CHD1: variants seen among roughly 807,000 people sequenced by gnomAD.
CHD1 encodes the protein chromodomain helicase DNA binding protein 1.
A neutral mutation model predicts 224.2 loss-of-function variants in CHD1; 36 were observed. The ratio of observed to expected loss-of-function variants is 0.16; its 90% CI spans 0.12 to 0.21. CHD1 has a LOEUF of 0.21. Among genes scored for constraint, CHD1 ranks in the 10% least tolerant of loss-of-function variants. CHD1 has a pLI of 1.00. For synonymous variants in CHD1, 668 were observed against 658.3 expected, an observed-to-expected ratio of 1.01 and a Z score of -0.23; for missense variants, 1,378 against 1,994.8, an observed-to-expected ratio of 0.69 and a Z score of 5.89.
In CHD1 at chr5:98,928,989, T is replaced by G. The variant is rs1753713211; in HGVS notation, c.-599A>C. On this transcript the variant is annotated 5_prime_UTR_variant, in exon 1 of 36. Coordinates refer to ENST00000614616, the MANE Select transcript of CHD1 (RefSeq NM_001270.4). ...CGTAAGCGCCTCTGCTCACTCCCCT[T>G]CCCGACAGAGCGCGAGGCGGGCGGG... 1 of 151,424 alleles carries G rather than the reference T, an allele frequency of 6.6e-6. No homozygotes were observed. The highest frequency in any genetic ancestry group is 1.5e-5 in the Non-Finnish European group (1 of 67,910). 9.4% of individuals were successfully genotyped at this position (151,424 alleles called of 1,614,324 possible).
chr5:98,857,678 A>G (rs1026133984), intron 35 of CHD1, among the ~76,000 whole-genome samples: 2 of 152,100 alleles, frequency 1.3e-5, no homozygotes, highest in African/African-American at 4.8e-5. Flanking sequence ...TACTGTTCAA[A>G]GGCTTCAAAA....
chr5:98,858,150 C>T (rs1377317131), intron 35 of CHD1, 30 bp downstream of exon 35: 2 of 1,593,428 alleles, frequency 1.3e-6, no homozygotes, highest in Admixed American at 1.7e-5. Context: ...CATGCATAAG[C>T]AAAATTTCTA....
Position 98,869,622 on chromosome 5 carries a change from GCACACACA to G in CHD1, c.4107+124_4107+131del, listed in dbSNP as rs113502266. The G allele has an allele frequency of 1.5e-3, 1,054 of 717,938 alleles. 1 individual carries two copies. The highest frequency in any genetic ancestry group is 5.3e-3 in the East Asian group (179 of 33,618). The allele number at this position is 717,938 out of a possible 1,614,324, so 44.5% of individuals were successfully genotyped here. ...TATAAGTGCGTGCGCACGTGCGCGC[GCACACACA>G]CACACACACACACACACACACAGAC... On this transcript the variant is annotated intron_variant, in intron 30 of 35. Coordinates refer to ENST00000614616, the MANE Select transcript of CHD1 (RefSeq NM_001270.4).
At chr5:98,909,256 A>G (rs570466576) in intron 2 of CHD1, among the ~76,000 whole-genome samples, 3 of 152,190 alleles carry the variant, frequency 2.0e-5, no homozygotes, top group Non-Finnish European at 4.4e-5. Context: ...TGCTAAGCGC[A>G]CCCTTGTGTT....
chr5:98,872,022 G>T, intron 28 of CHD1, 29 bp downstream of exon 28: 1 of 1,548,528 alleles, frequency 6.5e-7, no homozygotes, highest in African/African-American at 1.4e-5. Flanking sequence ...CAACATGAAT[G>T]GTTAACAGAA....
At chr5:98,879,498 GC>G in intron 23 of CHD1, 53 bp downstream of exon 23, 1 of 1,498,276 alleles carries the variant, frequency 6.7e-7, no homozygotes. Flanking sequence ...AACAAAATCA[GC>G]CCAGGTTGAA....
intron 16 of CHD1, 143 bp from the exon 17 acceptor site, chr5:98,888,383 T>C (rs1750791070): frequency 1.5e-6 from 1 of 648,246 alleles, no homozygotes; most frequent in Non-Finnish European, 2.5e-6. Flanking sequence ...TTCAAAATTT[T>C]CTAAGACCTT....
chr5:98,893,474 G>A lies in CHD1; in HGVS notation c.1933C>T (p.Pro645Ser), dbSNP rs780069966. 1 of 1,611,782 alleles carries A rather than the reference G, an allele frequency of 6.2e-7. No individual in the cohort carries two copies. Residue 645 changes from proline to serine, a missense_variant, in exon 14 of 36, where the codon CCT (proline) becomes TCT (serine). Pro to Ser is a moderately conservative substitution (Grantham distance 74, BLOSUM62 -1). Coordinates refer to ENST00000614616, the MANE Select transcript of CHD1 (RefSeq NM_001270.4). ...AGCTCTTTGAGGGAATTCTGTAGAG[G>A]AGTTCCAGTGATAAGGAGACGATGA... ...SNHRLLITGT[P>S]LQNSLKELWS...
chr5:98,903,042 AT>A, intron 4 of CHD1, 78 bp from the exon 5 acceptor site: 4 of 770,940 alleles, frequency 5.2e-6, no homozygotes, highest in Non-Finnish European at 8.3e-6. Context: ...TTGCTATACT[AT>A]TTAACATTCA....
chr5:98,863,058 A>G (rs1353518788), intron 32 of CHD1, among the ~76,000 whole-genome samples: 1 of 152,144 alleles, frequency 6.6e-6, no homozygotes, highest in Admixed American at 6.5e-5. Flanking sequence ...GCTAAATTCA[A>G]GCAACAATAA....
At chr5:98,865,512 A>C (rs750291688) in intron 31 of CHD1, among the ~76,000 whole-genome samples, 11 of 152,236 alleles carry the variant, frequency 7.2e-5, no homozygotes, top group African/African-American at 2.4e-5. Context: ...AATAGTATTT[A>C]ATCTATTTTA....
chr5:98,886,743 T>A (rs1369556234), intron 17 of CHD1, among the ~76,000 whole-genome samples: 3 of 151,532 alleles, frequency 2.0e-5, no homozygotes, highest in South Asian at 4.1e-4. Flanking sequence ...TTTAAAAAAT[T>A]AAAATAATTT....
chr5:98,883,349 G>A (rs1237915583), intron 18 of CHD1, 112 bp from the exon 19 acceptor site: 3 of 554,396 alleles, frequency 5.4e-6, no homozygotes, highest in African/African-American at 1.9e-5. Context: ...TAAACATCTA[G>A]CAAGACCAAT....
At position 98,910,017 on chromosome 5, in the gene CHD1, C is replaced by G. The variant is rs534742626; in HGVS notation, c.54-4919G>C. Among the ~76,000 whole-genome samples the G allele has an allele frequency of 2.0e-4, 31 of 152,226 alleles. No homozygotes were observed. In the South Asian group the frequency reaches 6.4e-3, roughly 32 times the overall value. On this transcript the variant is annotated intron_variant, in intron 2 of 35. Coordinates refer to ENST00000614616, the MANE Select transcript of CHD1 (RefSeq NM_001270.4). ...AACCCAGCCATTTTATCAAAAAGCCCTTCTATTTATAATAAATTAGAAACT... is the reference window on the plus strand; with the variant it reads ...AACCCAGCCATTTTATCAAAAAGCCGTTCTATTTATAATAAATTAGAAACT...
At chr5:98,878,231 A>G (rs1749906722) in intron 23 of CHD1, among the ~76,000 whole-genome samples, 2 of 152,246 alleles carry the variant, frequency 1.3e-5, no homozygotes, top group Admixed American at 6.5e-5. Context: ...ACTTTCCTCC[A>G]TGGTACAGCC....
intron 8 of CHD1, 142 bp downstream of exon 8, chr5:98,899,338 G>A: frequency 1.7e-6 from 1 of 602,832 alleles, no homozygotes; most frequent in Non-Finnish European, 2.8e-6. Context: ...TAGAGAAGCT[G>A]TGGACAAAGA....
chr5:98,915,911 G>A (rs1259260029), intron 2 of CHD1, among the ~76,000 whole-genome samples: 1 of 152,042 alleles, frequency 6.6e-6, no homozygotes, highest in Non-Finnish European at 1.5e-5. Context: ...GTTCAATTTT[G>A]GCTGGGCGCG....
In CHD1 at chr5:98,860,080, TA is replaced by T; in HGVS notation, c.4428-13del. The T allele has an allele frequency of 4.9e-6, 7 of 1,417,834 alleles. No homozygotes were observed. The highest frequency in any genetic ancestry group is 5.9e-6 in the Non-Finnish European group (6 of 1,016,572). The allele number at this position is 1,417,834 out of a possible 1,614,324, so 87.8% of individuals were successfully genotyped here. A position where few individuals can be genotyped will look rare whatever the true frequency, so the allele number is the denominator to read the frequency against. On this transcript the variant is annotated splice_polypyrimidine_tract_variant and intron_variant, in intron 32 of 35. Coordinates refer to ENST00000614616, the MANE Select transcript of CHD1 (RefSeq NM_001270.4). The stretch of plus-strand genomic sequence containing the variant: ...AAATCCACAGGTTTCTAGAAGAATT[TA>T]AAAAAAGGCAAATTAAGTTAGTCTG...
intron 2 of CHD1, among the ~76,000 whole-genome samples, chr5:98,920,236 C>G (rs1753002802): frequency 6.6e-6 from 1 of 152,068 alleles, no homozygotes; most frequent in Non-Finnish European, 1.5e-5. Flanking sequence ...TAAATACTCC[C>G]CCCACCAGGA....
Sources: gnomAD v4.1 joint callset for allele counts (sites outside exome capture counted in the v4.1 genomes callset) on GRCh38, gnomAD v4.1.1 for gene constraint, MANE v1.5 for transcripts, NCBI Gene and HGNC (gene_info 2026-07-23, HGNC 2026-07-21) for gene names.